NSG2: variants seen among roughly 807,000 people sequenced by gnomAD.
NSG2 encodes the protein neuronal vesicle trafficking-associated protein 2.
In NSG2, 4 loss-of-function variants were observed where a neutral mutation model predicts 16.9. That is an observed-to-expected ratio of 0.24 (90% CI 0.12 to 0.54). NSG2 has a LOEUF of 0.54. Ranked by LOEUF, NSG2 falls within the 20% of genes least tolerant of loss-of-function variation. The pLI is 0.95. For missense variants in NSG2, 179 were observed against 221.1 expected (o/e 0.81, Z 1.21); for synonymous variants, 98 against 88.7 (o/e 1.11, Z -0.59).
rs1227649766 is a variant in NSG2 at position 174,046,895 on chromosome 5, T to A, written c.129+11T>A. ...CCTGCTCCAGAAAAGGTAAAGCATG[T>A]CCTCTTGCTCTCATCAGCCCCCAGG... On this transcript the variant is annotated intron_variant, in intron 2 of 4. Transcript: ENST00000303177. The A allele has an allele frequency of 6.2e-7, 1 of 1,613,686 alleles. No homozygotes were observed. Among genetic ancestry groups the A allele is most frequent in the Admixed American group, 1.7e-5 (1 of 59,986 alleles).
At chr5:174,063,679 T>C (rs2113434149) in intron 2 of NSG2, among the ~76,000 whole-genome samples, 1 of 152,182 alleles carries the variant, frequency 6.6e-6, no homozygotes, top group African/African-American at 2.4e-5. Flanking sequence ...TCATGGAGAA[T>C]GGGGTATTTA....
At chr5:174,062,048 C>T (rs1760061786) in intron 2 of NSG2, among the ~76,000 whole-genome samples, 1 of 151,866 alleles carries the variant, frequency 6.6e-6, no homozygotes, top group African/African-American at 2.4e-5. Flanking sequence ...CTCCACTCTA[C>T]AGCTGCCTCA....
chr5:174,084,937 CAGA>C (rs1760577791), intron 3 of NSG2, among the ~76,000 whole-genome samples: 1 of 152,168 alleles, frequency 6.6e-6, no homozygotes, highest in Non-Finnish European at 1.5e-5. Flanking sequence ...TTTGTACAGT[CAGA>C]ATGGTGGATA....
At chr5:174,046,478 G>C (rs964713466) in intron 1 of NSG2, among the ~76,000 whole-genome samples, 6 of 152,264 alleles carry the variant, frequency 3.9e-5, no homozygotes, top group African/African-American at 1.4e-4. Context: ...TGTGTGTATA[G>C]GTTTAGGATT....
intron 2 of NSG2, chr5:174,056,608 T>C (rs7701091): frequency 0.16 from 23,961 of 152,286 alleles, 2,477 homozygotes; most frequent in African/African-American, 0.29. Context: ...GCAGGGCACC[T>C]GGCACCGTGC....
At chr5:174,080,825 A>C (rs1760448050) in intron 3 of NSG2, among the ~76,000 whole-genome samples, 1 of 152,168 alleles carries the variant, frequency 6.6e-6, no homozygotes, top group African/African-American at 2.4e-5. Flanking sequence ...GGTCTCCCAA[A>C]GTGCTAGGAT....
chr5:174,077,952 C>T (rs1028391536), intron 3 of NSG2, among the ~76,000 whole-genome samples: 5 of 152,110 alleles, frequency 3.3e-5, no homozygotes, highest in African/African-American at 9.7e-5. Context: ...TCTCCCTTTC[C>T]CTCCTTCATA....
rs372628170 is a variant in NSG2, at chr5:174,046,908, A to G, written c.129+24A>G. On this transcript the variant is annotated intron_variant, in intron 2 of 4. Transcript: ENST00000303177. Reference sequence around the variant, plus strand: ...AGGTAAAGCATGTCCTCTTGCTCTCATCAGCCCCCAGGCTCCCCCCATCTC... The same window carrying G: ...AGGTAAAGCATGTCCTCTTGCTCTCGTCAGCCCCCAGGCTCCCCCCATCTC... The G allele has an allele frequency of 1.6e-5, 25 of 1,611,502 alleles. No individual in the cohort carries two copies. In the African/African-American group the frequency reaches 2.3e-4, roughly 15 times the overall value.
At chr5:174,076,153 C>T (rs77347856) in intron 3 of NSG2, among the ~76,000 whole-genome samples, 2,118 of 152,304 alleles carry the variant, frequency 0.014, 24 homozygotes, top group Non-Finnish European at 0.021. Context: ...ATGGGGATGC[C>T]AGTGCCCACC....
In NSG2 at chr5:174,107,666, T is replaced by C. The variant is rs1332145069; in HGVS notation, c.*161T>C. 5.3e-6 allele frequency: 4 copies of C among 752,636 alleles called. No homozygotes were observed. The highest frequency in any genetic ancestry group is 9.3e-6 in the Non-Finnish European group (4 of 431,312). The allele number at this position is 752,636 out of a possible 1,614,324, so 46.6% of individuals were successfully genotyped here. On this transcript the variant is annotated 3_prime_UTR_variant, in exon 5 of 5. Transcript: ENST00000303177. The surrounding 1 kb of genome is among the most constrained non-coding windows in gnomAD (Gnocchi z 4.5). ...AACGCACCAAAAACGTGGTGTGTGC[T>C]GGAGTTGTCTGAACCGATATTTCTT...
At chr5:174,106,464 C>T (rs1760982489) in intron 4 of NSG2, among the ~76,000 whole-genome samples, 1 of 151,782 alleles carries the variant, frequency 6.6e-6, no homozygotes, top group African/African-American at 2.4e-5. Context: ...CAAGTTCGTC[C>T]GGTAGTCCCC....
intron 2 of NSG2, among the ~76,000 whole-genome samples, chr5:174,057,625 C>T (rs1474621194): frequency 6.6e-6 from 1 of 152,214 alleles, no homozygotes; most frequent in Non-Finnish European, 1.5e-5. Flanking sequence ...AAATGCATAC[C>T]TGCAAAGCCG....
chr5:174,094,749 A>G (rs1362050758), intron 3 of NSG2, among the ~76,000 whole-genome samples: 5 of 152,180 alleles, frequency 3.3e-5, no homozygotes, highest in Admixed American at 1.3e-4. Context: ...ATTTCATCCA[A>G]CTGGGTTCTT....
intron 3 of NSG2, chr5:174,082,216 T>A (rs985045723): frequency 6.6e-6 from 1 of 152,204 alleles, no homozygotes; most frequent in Non-Finnish European, 1.5e-5. Flanking sequence ...AATAAGTGTT[T>A]ACACAGTAGC....
rs1021130055 is a variant in NSG2, at chr5:174,108,333, G to C, written c.*828G>C. On this transcript the variant is annotated 3_prime_UTR_variant, in exon 5 of 5. Coordinates refer to ENST00000303177, the MANE Select transcript of NSG2 (RefSeq NM_015980.5). ...TGACGAGACAGCAGCAGGGGGAGAGGGAGGGAAGGAAGGTGCGGCTGCAAG... is the reference window on the plus strand; with the variant it reads ...TGACGAGACAGCAGCAGGGGGAGAGCGAGGGAAGGAAGGTGCGGCTGCAAG... 1 of 156,076 alleles carries C rather than the reference G, an allele frequency of 6.4e-6. No individual in the cohort carries two copies. The highest frequency in any genetic ancestry group is 2.4e-5 in the African/African-American group (1 of 41,440). 9.7% of individuals were successfully genotyped at this position (156,076 alleles called of 1,614,324 possible).
rs758302795 is a variant in NSG2, at chr5:174,046,749, C to G, written c.-7C>G. The G allele has an allele frequency of 6.2e-7, 1 of 1,613,918 alleles. No individual in the cohort carries two copies. Among genetic ancestry groups the G allele is most frequent in the African/African-American group, 1.3e-5 (1 of 74,992 alleles). On this transcript the variant is annotated 5_prime_UTR_variant, in exon 2 of 5. Transcript: ENST00000303177. Reference sequence around the variant, plus strand: ...CTTGCCTTAGGTCTGGGAAGAAAGGCGTAAGGATGGTGAAGCTGAACAGTA... The same window carrying G: ...CTTGCCTTAGGTCTGGGAAGAAAGGGGTAAGGATGGTGAAGCTGAACAGTA...
chr5:174,052,802 G>A (rs1759911292), intron 2 of NSG2, among the ~76,000 whole-genome samples: 1 of 152,166 alleles, frequency 6.6e-6, no homozygotes, highest in South Asian at 2.1e-4. Context: ...AGATCTGCAT[G>A]CACGTGTGCT....
Position 174,107,077 on chromosome 5 carries a change from T to C in NSG2, c.325-237T>C, listed in dbSNP as rs1384757811. Among the ~76,000 whole-genome samples, 1 of 152,186 alleles carries C rather than the reference T, an allele frequency of 6.6e-6. No homozygotes were observed. The highest frequency in any genetic ancestry group is 1.5e-5 in the Non-Finnish European group (1 of 68,036). ...AGTCAGTATGCAGAGAAGGCTGGCC[T>C]TGAATCAGTGTCAATATCAGGTTCA... On this transcript the variant is annotated intron_variant, in intron 4 of 4. Coordinates refer to ENST00000303177, the MANE Select transcript of NSG2 (RefSeq NM_015980.5). The surrounding 1 kb of genome is among the most constrained non-coding windows in gnomAD (Gnocchi z 4.5).
intron 3 of NSG2, among the ~76,000 whole-genome samples, chr5:174,095,438 G>A (rs1224268490): frequency 2.0e-5 from 3 of 152,188 alleles, no homozygotes; most frequent in Non-Finnish European, 2.9e-5. Context: ...TGTGGTGAGC[G>A]CAGGTGTTCC....
Sources: allele counts gnomAD v4.1 joint callset (sites outside exome capture counted in the v4.1 genomes callset), GRCh38; gene constraint gnomAD v4.1.1; non-coding constraint Gnocchi (gnomAD v3.1); transcripts MANE v1.5; gene names NCBI Gene and HGNC (gene_info 2026-07-23, HGNC 2026-07-21).